The following PRKN variants were observed in gnomAD, a reference collection of about 807,000 sequenced individuals.
The protein encoded by PRKN is parkin RBR E3 ubiquitin protein ligase, also known as E3 ubiquitin-protein ligase parkin.
In PRKN, 56 loss-of-function variants were observed where a neutral mutation model predicts 59.5. The ratio of observed to expected loss-of-function variants is 0.94; its 90% CI spans 0.76 to 1.18. The LOEUF (loss-of-function observed/expected upper bound fraction) is 1.18, where lower values mean the gene tolerates loss of function less well. Among genes scored for constraint, PRKN ranks in the 50% most tolerant of loss-of-function variants. The pLI, the probability that PRKN is intolerant of heterozygous loss-of-function variation, is 0.00. For missense variants in PRKN, 657 were observed against 596.4 expected, an observed-to-expected ratio of 1.10 and a Z score of -1.06; for synonymous variants, 250 against 222.1, an observed-to-expected ratio of 1.13 and a Z score of -1.12.
At chr6:161,955,202 C>T (rs955033291) in intron 6 of PRKN, among the ~76,000 whole-genome samples, 7 of 152,032 alleles carry the variant, frequency 4.6e-5, no homozygotes, top group Non-Finnish European at 7.4e-5. Context: ...GGGGCTGACT[C>T]GTGCTTTGTA....
chr6:161,680,970 T>C (rs557445734), intron 7 of PRKN, among the ~76,000 whole-genome samples: 84 of 151,938 alleles, frequency 5.5e-4, no homozygotes, highest in African/African-American at 2.0e-3. Context: ...TTTAAATTTT[T>C]TATTTTTTGA....
At chr6:162,325,342 CTTCTT>C (rs372527621) in intron 2 of PRKN, among the ~76,000 whole-genome samples, 55 of 152,282 alleles carry the variant, frequency 3.6e-4, no homozygotes, top group Middle Eastern at 6.8e-3. Context: ...TTCCTCTGCA[CTTCTT>C]TTCTTAGTCT....
At chr6:161,674,164 C>T (rs1213153216) in intron 7 of PRKN, among the ~76,000 whole-genome samples, 1 of 152,094 alleles carries the variant, frequency 6.6e-6, no homozygotes, top group African/African-American at 2.4e-5. Context: ...AACGTTTAGA[C>T]TGAGTTCTGG....
At chr6:161,709,520 T>C (rs1562623801) in intron 7 of PRKN, among the ~76,000 whole-genome samples, 1 of 152,216 alleles carries the variant, frequency 6.6e-6, no homozygotes, top group Non-Finnish European at 1.5e-5. Context: ...ATTTAACCTC[T>C]AGGAGTACAA....
intron 7 of PRKN, among the ~76,000 whole-genome samples, chr6:161,682,495 C>T (rs188449019): frequency 1.6e-4 from 24 of 152,162 alleles, no homozygotes; most frequent in Non-Finnish European, 2.9e-4. Flanking sequence ...CAAGACTACC[C>T]TGGGCAGAGG....
intron 2 of PRKN, among the ~76,000 whole-genome samples, chr6:162,360,768 A>G (rs757042163): frequency 7.4e-4 from 113 of 152,186 alleles, no homozygotes; most frequent in Admixed American, 2.1e-3. Flanking sequence ...TCCGTGGCAC[A>G]CCACGGGCCA....
intron 2 of PRKN, among the ~76,000 whole-genome samples, chr6:162,370,777 C>T (rs1186298603): frequency 6.6e-6 from 1 of 152,066 alleles, no homozygotes; most frequent in East Asian, 1.9e-4. Context: ...TATGTCCTGG[C>T]ATATGAATGG....
intron 1 of PRKN, among the ~76,000 whole-genome samples, chr6:162,720,609 C>T (rs1778907076): frequency 6.6e-6 from 1 of 151,472 alleles, no homozygotes; most frequent in Non-Finnish European, 1.5e-5. Context: ...CGCCACCGCG[C>T]CCGGCTAATT....
At chr6:162,185,438 A>C (rs1015660243) in intron 4 of PRKN, among the ~76,000 whole-genome samples, 3 of 152,200 alleles carry the variant, frequency 2.0e-5, no homozygotes, top group African/African-American at 7.2e-5. Context: ...TTAAACATAA[A>C]GTAATCAAAG....
rs939258548 is a variant in PRKN, at chr6:161,487,691, T to C, written c.1083+61163A>G. Among the ~76,000 whole-genome samples the C allele has an allele frequency of 3.9e-5, 6 of 152,172 alleles. No individual in the cohort carries two copies. The highest frequency in any genetic ancestry group is 7.4e-5 in the Non-Finnish European group (5 of 68,026). On this transcript the variant is annotated intron_variant, in intron 9 of 11. Transcript: ENST00000366898. This position sits in a 1 kb window ranked among gnomAD's most constrained non-coding sequence, Gnocchi z 5.3. ...GTATTCATGTAGGAGGTAGGGGTTG[T>C]GCCTTCTTTTCCATTCATTCAGAAA...
chr6:161,716,698 A>T (rs904549327), intron 7 of PRKN, among the ~76,000 whole-genome samples: 2 of 152,222 alleles, frequency 1.3e-5, no homozygotes, highest in African/African-American at 4.8e-5. Flanking sequence ...TTATCAGGAA[A>T]TCTATTAGAC....
intron 5 of PRKN, among the ~76,000 whole-genome samples, chr6:161,990,906 A>G (rs1429947639): frequency 1.3e-5 from 2 of 152,182 alleles, no homozygotes; most frequent in Admixed American, 1.3e-4. Context: ...AAGCTCCAAG[A>G]ATCCCAAATA....
intron 5 of PRKN, among the ~76,000 whole-genome samples, chr6:162,030,236 C>G (rs1381513918): frequency 6.6e-6 from 1 of 152,208 alleles, no homozygotes; most frequent in Non-Finnish European, 1.5e-5. Context: ...AATAATGCCA[C>G]TTTCTTCCCA....
At chr6:162,262,878 T>A in intron 2 of PRKN, 113 bp from the exon 3 acceptor site, 1 of 1,365,676 alleles carries the variant, frequency 7.3e-7, no homozygotes, top group Non-Finnish European at 1.0e-6. Flanking sequence ...AAGTGACATG[T>A]AACTGACCAA....
intron 2 of PRKN, among the ~76,000 whole-genome samples, chr6:162,365,865 T>A (rs1785410611): frequency 1.3e-5 from 2 of 152,230 alleles, no homozygotes; most frequent in South Asian, 4.1e-4. Context: ...CTCTAATGTG[T>A]CCTTTATTAG....
rs1439630816 is a variant in PRKN, at chr6:161,395,603, C to A, written c.1084-8726G>T. ...AGGTGGGTGGAAGCTGCTTCCCCAA[C>A]ACGCTGTGGTCTCAACCACCGCCTT... On this transcript the variant is annotated intron_variant, in intron 9 of 11. Transcript: ENST00000366898. This position sits in a 1 kb window ranked among gnomAD's most constrained non-coding sequence, Gnocchi z 5.0. 6.6e-6 allele frequency among the ~76,000 whole-genome samples: 1 copy of A among 152,192 alleles called. No homozygotes were observed. The highest frequency in any genetic ancestry group is 1.5e-5 in the Non-Finnish European group (1 of 68,046).
intron 1 of PRKN, among the ~76,000 whole-genome samples, chr6:162,691,426 T>C (rs1335438892): frequency 6.6e-6 from 1 of 152,096 alleles, no homozygotes; most frequent in Non-Finnish European, 1.5e-5. Context: ...TTTGCATAAT[T>C]TCAAGAATAT....
At chr6:161,916,569 G>A (rs1328749629) in intron 6 of PRKN, among the ~76,000 whole-genome samples, 1 of 152,102 alleles carries the variant, frequency 6.6e-6, no homozygotes, top group African/African-American at 2.4e-5. Context: ...CTACTGCAAT[G>A]GTCTGGGCTC....
Position 161,582,547 on chromosome 6 carries a change from C to T in PRKN, c.872-13131G>A, listed in dbSNP as rs1562540337. On this transcript the variant is annotated intron_variant, in intron 7 of 11. Coordinates refer to ENST00000366898, the MANE Select transcript of PRKN (RefSeq NM_004562.3). This position sits in a 1 kb window ranked among gnomAD's most constrained non-coding sequence, Gnocchi z 4.4. ...GTTCACGCCATTCTCCTGCCTCAGC[C>T]TCCCAAGCAGCTGGGACTACAGGCG... Among the ~76,000 whole-genome samples the T allele has an allele frequency of 6.6e-6, 1 of 151,938 alleles. No individual in the cohort carries two copies. Among genetic ancestry groups the T allele is most frequent in the Non-Finnish European group, 1.5e-5 (1 of 68,004 alleles).
Sources: gnomAD v4.1 joint callset for allele counts (sites outside exome capture counted in the v4.1 genomes callset) on GRCh38, gnomAD v4.1.1 for gene constraint, Gnocchi (gnomAD v3.1) non-coding constraint, MANE v1.5 for transcripts, NCBI Gene and HGNC (gene_info 2026-07-23, HGNC 2026-07-21) for gene names.